CSMD3: variants seen among roughly 807,000 people sequenced by gnomAD.
The protein encoded by CSMD3 is CUB and sushi domain-containing protein 3.
CSMD3 carries 177 observed loss-of-function variants against 435.2 expected under a neutral mutation model. The observed-to-expected ratio is 0.41, with a 90% CI of 0.36 to 0.46. The LOEUF is 0.46. CSMD3 is among the 20% of genes least tolerant of loss of function. The probability of loss-of-function intolerance (pLI) is 0.34; values close to 1 mark genes in which losing one functional copy is unlikely to be tolerated. For synonymous variants in CSMD3, 1,656 were observed against 1,520.5 expected (o/e 1.09, Z -2.07); for missense variants, 4,265 against 4,504.6 (o/e 0.95, Z 1.52).
At chr8:113,301,686 T>C (rs531465864) in intron 2 of CSMD3, among the ~76,000 whole-genome samples, 6 of 152,180 alleles carry the variant, frequency 3.9e-5, no homozygotes, top group Non-Finnish European at 7.4e-5. Context: ...AAGCCTTTAG[T>C]ATTTCTGAAA....
intron 27 of CSMD3, among the ~76,000 whole-genome samples, chr8:112,546,599 T>C (rs1386532154): frequency 6.6e-6 from 1 of 152,208 alleles, no homozygotes; most frequent in Non-Finnish European, 1.5e-5. Context: ...TGTCAGAATC[T>C]ACTATTCTGT....
chr8:112,914,926 T>C (rs141197766), intron 10 of CSMD3, among the ~76,000 whole-genome samples: 1 of 152,054 alleles, frequency 6.6e-6, no homozygotes, highest in African/African-American at 2.4e-5. Flanking sequence ...AACTGTAGTA[T>C]ATTTAAGTTT....
chr8:113,011,588 T>C (rs925109091), intron 6 of CSMD3, among the ~76,000 whole-genome samples: 7 of 151,854 alleles, frequency 4.6e-5, no homozygotes, highest in African/African-American at 1.7e-4. Context: ...TCATTTTCAA[T>C]ATTGCAATAA....
At chr8:112,434,173 C>T (rs181836813) in intron 32 of CSMD3, among the ~76,000 whole-genome samples, 3 of 152,032 alleles carry the variant, frequency 2.0e-5, no homozygotes, top group Non-Finnish European at 4.4e-5. Flanking sequence ...TGCAAACTCA[C>T]CACTAAGATT....
intron 6 of CSMD3, among the ~76,000 whole-genome samples, chr8:113,000,011 T>C (rs1252914430): frequency 6.6e-6 from 1 of 151,962 alleles, no homozygotes; most frequent in Non-Finnish European, 1.5e-5. Flanking sequence ...GATATGATGT[T>C]GGGAGTCATG....
intron 3 of CSMD3, among the ~76,000 whole-genome samples, chr8:113,176,866 A>T (rs931510228): frequency 6.6e-6 from 1 of 151,872 alleles, no homozygotes; most frequent in African/African-American, 2.4e-5. Context: ...TATGTAACAA[A>T]CCTGCACATC....
At chr8:113,077,813 G>A (rs776272823) in intron 5 of CSMD3, among the ~76,000 whole-genome samples, 2 of 152,136 alleles carry the variant, frequency 1.3e-5, no homozygotes, top group Non-Finnish European at 2.9e-5. Context: ...GGCTTTTTAA[G>A]GAAGAGGATT....
At chr8:113,093,931 T>G (rs1366029742) in intron 5 of CSMD3, among the ~76,000 whole-genome samples, 2 of 152,148 alleles carry the variant, frequency 1.3e-5, no homozygotes, top group Non-Finnish European at 2.9e-5. Flanking sequence ...TATTGTTCCC[T>G]TGACTTCAGC....
chr8:113,121,942 C>T (rs1057397466), intron 4 of CSMD3, among the ~76,000 whole-genome samples: 1 of 151,968 alleles, frequency 6.6e-6, no homozygotes, highest in Non-Finnish European at 1.5e-5. Flanking sequence ...AAAAAATTAA[C>T]CAGAGAATAG....
chr8:113,126,658 A>C (rs2091140863), intron 4 of CSMD3, among the ~76,000 whole-genome samples: 2 of 151,976 alleles, frequency 1.3e-5, no homozygotes, highest in African/African-American at 4.8e-5. Context: ...AAATAGGAGG[A>C]AAAGCAGAAG....
intron 13 of CSMD3, among the ~76,000 whole-genome samples, chr8:112,712,059 C>T (rs988781081): frequency 1.3e-5 from 2 of 152,044 alleles, no homozygotes; most frequent in African/African-American, 4.8e-5. Context: ...AACTGAGAAA[C>T]ACTGTAAAAT....
chr8:112,801,236 CGA>C (rs1190118893), intron 12 of CSMD3, among the ~76,000 whole-genome samples: 6 of 151,954 alleles, frequency 3.9e-5, no homozygotes, highest in Non-Finnish European at 5.9e-5. Flanking sequence ...TAAAAACCTA[CGA>C]GAGTGTTTAG....
At chr8:112,708,925 A>C (rs2076554557) in intron 13 of CSMD3, among the ~76,000 whole-genome samples, 2 of 152,006 alleles carry the variant, frequency 1.3e-5, no homozygotes, top group Admixed American at 6.6e-5. Context: ...CCATACCAAA[A>C]ACCTCCAGCT....
chr8:113,377,170 C>G, intron 1 of CSMD3: 13 of 1,244,318 alleles, frequency 1.0e-5, no homozygotes, highest in Non-Finnish European at 1.3e-5. Flanking sequence ...GGAAACCCTG[C>G]AAACCCTACA....
intron 1 of CSMD3, among the ~76,000 whole-genome samples, chr8:113,434,177 A>T (rs746531888): frequency 1.3e-5 from 2 of 152,202 alleles, no homozygotes; most frequent in Non-Finnish European, 2.9e-5. Flanking sequence ...AACTGTAGGC[A>T]GATGGTGTAA....
intron 24 of CSMD3, among the ~76,000 whole-genome samples, chr8:112,571,031 G>C (rs1484930902): frequency 1.3e-5 from 2 of 151,960 alleles, no homozygotes; most frequent in African/African-American, 4.8e-5. Flanking sequence ...TTTTGAGACG[G>C]AGTTTCACTC....
chr8:112,409,122 G>C, intron 32 of CSMD3, 90 bp from the exon 33 acceptor site: 587 of 1,462,688 alleles, frequency 4.0e-4, no homozygotes, highest in Non-Finnish European at 5.1e-4. Context: ...GGAGGAGAGA[G>C]AGAACAAAGT....
At chr8:113,303,936 T>C (rs954630759) in intron 2 of CSMD3, among the ~76,000 whole-genome samples, 3 of 137,776 alleles carry the variant, frequency 2.2e-5, no homozygotes, top group African/African-American at 7.8e-5. Flanking sequence ...CTAAAGAGCT[T>C]CTGCACAGCA....
At chr8:113,070,039 C>T (rs891711081) in intron 5 of CSMD3, among the ~76,000 whole-genome samples, 2 of 152,014 alleles carry the variant, frequency 1.3e-5, no homozygotes, top group Non-Finnish European at 2.9e-5. Flanking sequence ...TTCCCTAGAC[C>T]CTGACTGACT....
Sources: gnomAD v4.1 joint callset for allele counts (sites outside exome capture counted in the v4.1 genomes callset) on GRCh38, gnomAD v4.1.1 for gene constraint, MANE v1.5 for transcripts, NCBI Gene and HGNC (gene_info 2026-07-23, HGNC 2026-07-21) for gene names.